CCSER1: variants seen among roughly 807,000 people sequenced by gnomAD.
CCSER1 encodes coiled-coil serine rich protein 1, also known as serine-rich coiled-coil domain-containing protein 1.
A neutral mutation model predicts 82.0 loss-of-function variants in CCSER1; 41 were observed. The observed-to-expected ratio is 0.50, with a 90% CI of 0.39 to 0.65. CCSER1 has a LOEUF of 0.65. Ranked by LOEUF, CCSER1 falls within the 30% of genes least tolerant of loss-of-function variation. The pLI is 0.00. For synonymous variants in CCSER1, 414 were observed against 383.9 expected (o/e 1.08, Z -0.92); for missense variants, 1,119 against 1,064.2 (o/e 1.05, Z -0.72).
At chr4:90,700,497 T>G (rs1257317302) in intron 6 of CCSER1, among the ~76,000 whole-genome samples, 1 of 152,230 alleles carries the variant, frequency 6.6e-6, no homozygotes, top group Non-Finnish European at 1.5e-5. Flanking sequence ...CCTTTGGGTA[T>G]ATACCCAGTA....
intron 1 of CCSER1, among the ~76,000 whole-genome samples, chr4:90,256,437 CTG>C (rs1489196892): frequency 6.6e-6 from 1 of 152,116 alleles, no homozygotes; most frequent in Non-Finnish European, 1.5e-5. Flanking sequence ...GAGAAACTAA[CTG>C]TGCTTTTGGC....
intron 10 of CCSER1, among the ~76,000 whole-genome samples, chr4:91,534,689 TATTA>T (rs1238286844): frequency 2.6e-5 from 4 of 152,136 alleles, no homozygotes; most frequent in African/African-American, 9.6e-5. Context: ...TTCTTAGCTA[TATTA>T]ATTCAATTTT....
chr4:90,456,904 G>T (rs1315570697), intron 4 of CCSER1, among the ~76,000 whole-genome samples: 1 of 152,152 alleles, frequency 6.6e-6, no homozygotes, highest in African/African-American at 2.4e-5. Context: ...TGTGGCTGGT[G>T]GTGCCTTTGC....
intron 8 of CCSER1, among the ~76,000 whole-genome samples, chr4:90,906,384 T>C (rs953824978): frequency 6.6e-6 from 1 of 152,162 alleles, no homozygotes; most frequent in African/African-American, 2.4e-5. Flanking sequence ...ATCGTCAACC[T>C]GTAATACCAT....
intron 5 of CCSER1, among the ~76,000 whole-genome samples, chr4:90,549,450 A>G (rs1777186159): frequency 6.6e-6 from 1 of 151,890 alleles, no homozygotes; most frequent in African/African-American, 2.4e-5. Flanking sequence ...TAGGGTAGTC[A>G]TGAAAATAGA....
At chr4:91,284,783 G>T (rs1169866683) in intron 10 of CCSER1, among the ~76,000 whole-genome samples, 2 of 151,952 alleles carry the variant, frequency 1.3e-5, no homozygotes, top group African/African-American at 2.4e-5. Context: ...GATGTTAAAG[G>T]TGATTCAAAG....
rs544698283 is a variant in CCSER1 at position 90,153,814 on chromosome 4, T to C, written c.-42+25983T>C. ...GTCAGATGAGTAGGTTGCGAAAATT[T>C]TCTCCCATTTTGTAGGTTGCCTATT... On this transcript the variant is annotated intron_variant, in intron 1 of 10. Transcript: ENST00000509176. 1.4e-4 allele frequency among the ~76,000 whole-genome samples: 22 copies of C among 152,354 alleles called. 1 individual carries two copies. The East Asian group carries it at 3.9e-3, about 27-fold the overall frequency.
intron 6 of CCSER1, among the ~76,000 whole-genome samples, chr4:90,685,775 A>G (rs6851017): frequency 0.46 from 69,878 of 152,052 alleles, 16,453 homozygotes; most frequent in Middle Eastern, 0.58. Context: ...TCAAACCGCG[A>G]TACTGATTTA....
rs372933613 is a variant in CCSER1, at chr4:91,266,233, G to GT, written c.2217+180247dup. Among the ~76,000 whole-genome samples the GT allele has an allele frequency of 2.4e-3, 367 of 151,018 alleles. 3 individuals carry two copies. The highest frequency in any genetic ancestry group is 8.0e-3 in the African/African-American group (330 of 41,242). On this transcript the variant is annotated intron_variant, in intron 10 of 10. Coordinates refer to ENST00000509176, the MANE Select transcript of CCSER1 (RefSeq NM_001145065.2). ...AAGACCACTTTAACTTAAGCTGGTTGTTTTTTTTGTTTGTTGGTTTGTTTT... is the reference window on the plus strand; with the variant it reads ...AAGACCACTTTAACTTAAGCTGGTTGTTTTTTTTTGTTTGTTGGTTTGTTTT...
intron 10 of CCSER1, among the ~76,000 whole-genome samples, chr4:91,108,927 C>G (rs1188585676): frequency 6.6e-6 from 1 of 152,126 alleles, no homozygotes; most frequent in Non-Finnish European, 1.5e-5. Flanking sequence ...TCTGCCCTCA[C>G]CCAGTGTGGG....
At chr4:91,577,837 G>A (rs1470595667) in intron 10 of CCSER1, among the ~76,000 whole-genome samples, 1 of 151,850 alleles carries the variant, frequency 6.6e-6, no homozygotes, top group African/African-American at 2.4e-5. Context: ...CTTATTATGT[G>A]CATACATTTT....
rs371973796 is a variant in CCSER1 at position 90,276,317 on chromosome 4, T to TTTTCTTTC, written c.-41-31912_-41-31905dup. Among the ~76,000 whole-genome samples, 113 of 113,358 alleles carry TTTTCTTTC rather than the reference T, an allele frequency of 1.0e-3. 1 individual carries two copies. Among genetic ancestry groups the TTTTCTTTC allele is most frequent in the African/African-American group, 4.5e-3 (103 of 23,102 alleles). 74.4% of individuals were successfully genotyped at this position (113,358 alleles called of 152,430 possible). On this transcript the variant is annotated intron_variant, in intron 1 of 10. Coordinates refer to ENST00000509176, the MANE Select transcript of CCSER1 (RefSeq NM_001145065.2). ...TTCCTTCCTTCCTTCCTTTCTTTCT[T>TTTTCTTTC]TTTCTTTCTTTCTTTCTTTCTTCTT...
intron 10 of CCSER1, among the ~76,000 whole-genome samples, chr4:91,340,382 G>A (rs1747631952): frequency 6.6e-6 from 1 of 152,152 alleles, no homozygotes; most frequent in South Asian, 2.1e-4. Flanking sequence ...AATGCATTTA[G>A]TAGAATGTAA....
chr4:90,864,111 G>A (rs542837980), intron 8 of CCSER1, among the ~76,000 whole-genome samples: 1 of 151,286 alleles, frequency 6.6e-6, no homozygotes, highest in South Asian at 2.1e-4. Context: ...ATGTTTTCAT[G>A]GGCTAGGATC....
intron 10 of CCSER1, among the ~76,000 whole-genome samples, chr4:91,193,452 C>G (rs777141991): frequency 6.6e-6 from 1 of 152,114 alleles, no homozygotes; most frequent in African/African-American, 2.4e-5. Context: ...ATTGAAAGAA[C>G]CCTGGATTAG....
chr4:90,858,664 G>A (rs1172051006), intron 8 of CCSER1, among the ~76,000 whole-genome samples: 1 of 151,792 alleles, frequency 6.6e-6, no homozygotes, highest in Non-Finnish European at 1.5e-5. Context: ...AATAAAATCT[G>A]CATTTCTTAC....
At chr4:91,385,376 A>T (rs1459247265) in intron 10 of CCSER1, among the ~76,000 whole-genome samples, 8 of 152,032 alleles carry the variant, frequency 5.3e-5, no homozygotes, top group Admixed American at 5.2e-4. Flanking sequence ...CAATATGCAT[A>T]TACCAACTTA....
intron 10 of CCSER1, among the ~76,000 whole-genome samples, chr4:91,116,148 C>T (rs1275790797): frequency 4.0e-5 from 6 of 151,880 alleles, no homozygotes; most frequent in African/African-American, 1.5e-4. Context: ...GAATGATTCA[C>T]AATAGCAAAG....
chr4:90,611,406 T>A (rs1323497361), intron 5 of CCSER1, among the ~76,000 whole-genome samples: 1 of 152,104 alleles, frequency 6.6e-6, no homozygotes, highest in Non-Finnish European at 1.5e-5. Flanking sequence ...GCACAGTGCT[T>A]TAGTCCTTTG....
Sources: allele counts gnomAD v4.1 joint callset (sites outside exome capture counted in the v4.1 genomes callset), GRCh38; gene constraint gnomAD v4.1.1; transcripts MANE v1.5; gene names NCBI Gene and HGNC (gene_info 2026-07-23, HGNC 2026-07-21).